The following STXBP5L variants were observed in gnomAD, a reference collection of about 807,000 sequenced individuals.
STXBP5L encodes syntaxin-binding protein 5-like.
Under a neutral mutation model 144.5 loss-of-function variants are expected in STXBP5L, and 65 were observed. The ratio of observed to expected loss-of-function variants is 0.45; its 90% CI spans 0.37 to 0.55. The LOEUF (loss-of-function observed/expected upper bound fraction) is 0.55. STXBP5L is among the 20% of genes least tolerant of loss of function. The pLI is 0.00. For missense variants in STXBP5L, 1,298 were observed against 1,405.5 expected, an observed-to-expected ratio of 0.92 and a Z score of 1.22; for synonymous variants, 505 against 469.6, an observed-to-expected ratio of 1.08 and a Z score of -0.97.
intron 3 of STXBP5L, among the ~76,000 whole-genome samples, chr3:120,965,318 CATG>C (rs1385167122): frequency 6.6e-6 from 1 of 152,026 alleles, no homozygotes; most frequent in Non-Finnish European, 1.5e-5. Flanking sequence ...TTGATTCTGT[CATG>C]ATGTTCACTG....
chr3:120,960,910 A>G (rs75231525), intron 3 of STXBP5L, among the ~76,000 whole-genome samples: 2 of 147,256 alleles, frequency 1.4e-5, no homozygotes, highest in Admixed American at 1.4e-4. Context: ...AAAGTATAAT[A>G]AAAAAAAAAG....
chr3:121,069,412 G>A (rs182736835), intron 5 of STXBP5L, among the ~76,000 whole-genome samples: 2 of 151,708 alleles, frequency 1.3e-5, no homozygotes, highest in Non-Finnish European at 1.5e-5. Context: ...TATCTAGATT[G>A]TTTCCATTGT....
intron 3 of STXBP5L, among the ~76,000 whole-genome samples, chr3:121,005,373 T>C (rs977391598): frequency 3.9e-5 from 6 of 152,232 alleles, no homozygotes; most frequent in Non-Finnish European, 8.8e-5. Flanking sequence ...TGGTAGTTTG[T>C]ATTTCTGTGT....
At chr3:121,026,347 A>G (rs1945944485) in intron 3 of STXBP5L, among the ~76,000 whole-genome samples, 1 of 152,058 alleles carries the variant, frequency 6.6e-6, no homozygotes, top group Non-Finnish European at 1.5e-5. Flanking sequence ...ACCTACTAAC[A>G]GAGCCTTTCC....
intron 3 of STXBP5L, among the ~76,000 whole-genome samples, chr3:121,022,182 G>A (rs1438974573): frequency 2.0e-5 from 3 of 151,988 alleles, no homozygotes; most frequent in Non-Finnish European, 4.4e-5. Context: ...GATGGATAAA[G>A]TGCTGGAAAT....
intron 12 of STXBP5L, among the ~76,000 whole-genome samples, chr3:121,234,932 G>A (rs1428987379): frequency 6.6e-6 from 1 of 151,502 alleles, no homozygotes; most frequent in African/African-American, 2.4e-5. Context: ...CTTTGTCTAA[G>A]TATCTAACAT....
chr3:121,352,229 T>C (rs1337280891), intron 20 of STXBP5L, among the ~76,000 whole-genome samples: 7 of 152,106 alleles, frequency 4.6e-5, no homozygotes, highest in Non-Finnish European at 1.0e-4. Flanking sequence ...AGAAAGTCAT[T>C]GGTAGCTTGA....
chr3:121,162,298 C>T (rs935840086), intron 9 of STXBP5L, among the ~76,000 whole-genome samples: 2 of 152,048 alleles, frequency 1.3e-5, no homozygotes, highest in African/African-American at 4.8e-5. Flanking sequence ...AGGGTTTTCC[C>T]TGACAAAAAT....
intron 5 of STXBP5L, among the ~76,000 whole-genome samples, chr3:121,071,976 C>T (rs2041829718): frequency 1.3e-5 from 2 of 152,196 alleles, no homozygotes. Context: ...ACTTTAACAG[C>T]TGTTTGAGTG....
At chr3:120,946,645 A>G (rs1249752813) in intron 2 of STXBP5L, among the ~76,000 whole-genome samples, 1 of 151,730 alleles carries the variant, frequency 6.6e-6, no homozygotes, top group African/African-American at 2.4e-5. Flanking sequence ...ACATTATGAC[A>G]GTATTAAGCC....
At chr3:121,336,124 A>G (rs2108570249) in intron 20 of STXBP5L, among the ~76,000 whole-genome samples, 1 of 152,336 alleles carries the variant, frequency 6.6e-6, no homozygotes, top group Non-Finnish European at 1.5e-5. Context: ...GACACTTTTC[A>G]AAAGAAGACA....
intron 3 of STXBP5L, among the ~76,000 whole-genome samples, chr3:121,033,572 TAA>T (rs11334060): frequency 3.9e-3 from 547 of 141,404 alleles, no homozygotes; most frequent in Middle Eastern, 7.3e-3. Context: ...AAAGTACAAT[TAA>T]AAAAAAAAAA....
intron 3 of STXBP5L, among the ~76,000 whole-genome samples, chr3:120,971,105 A>G (rs946582012): frequency 6.6e-6 from 1 of 152,082 alleles, no homozygotes; most frequent in Non-Finnish European, 1.5e-5. Context: ...ATTTCTCTGT[A>G]GGGGGGAGGT....
chr3:121,049,010 G>A (rs1453336288), intron 5 of STXBP5L, among the ~76,000 whole-genome samples: 1 of 152,192 alleles, frequency 6.6e-6, no homozygotes, highest in Non-Finnish European at 1.5e-5. Context: ...CAGCAAAAAT[G>A]GTGGCCTGCT....
At chr3:121,013,811 C>CT (rs1944951995) in intron 3 of STXBP5L, among the ~76,000 whole-genome samples, 1 of 151,666 alleles carries the variant, frequency 6.6e-6, no homozygotes, top group Non-Finnish European at 1.5e-5. Context: ...TTAAGTTAAC[C>CT]TTTTTTATGG....
intron 9 of STXBP5L, 26 bp downstream of exon 9, chr3:121,157,653 TA>T (rs776105878): frequency 6.3e-7 from 1 of 1,581,594 alleles, no homozygotes; most frequent in Non-Finnish European, 8.6e-7. Context: ...TCAAAAGGAA[TA>T]AACACTGGCA....
intron 9 of STXBP5L, among the ~76,000 whole-genome samples, chr3:121,179,392 A>T (rs570311330): frequency 6.6e-6 from 1 of 152,170 alleles, no homozygotes; most frequent in African/African-American, 2.4e-5. Context: ...GATCCATAAG[A>T]GGGAAAAAAA....
intron 2 of STXBP5L, among the ~76,000 whole-genome samples, chr3:120,942,376 A>G (rs1710611727): frequency 6.6e-6 from 1 of 151,650 alleles, no homozygotes; most frequent in Non-Finnish European, 1.5e-5. Flanking sequence ...ATTGAGATAT[A>G]TGAATATAAT....
intron 3 of STXBP5L, among the ~76,000 whole-genome samples, chr3:120,977,609 C>T (rs1391927052): frequency 1.3e-5 from 2 of 152,104 alleles, no homozygotes; most frequent in Non-Finnish European, 2.9e-5. Context: ...GGTTATTTTG[C>T]TCCTTAGTTG....
Sources: allele counts gnomAD v4.1 joint callset (sites outside exome capture counted in the v4.1 genomes callset), GRCh38; gene constraint gnomAD v4.1.1; transcripts MANE v1.5; gene names NCBI Gene and HGNC (gene_info 2026-07-23, HGNC 2026-07-21).